The following RREB1 variants were observed in gnomAD, a reference collection of about 807,000 sequenced individuals.
The protein encoded by RREB1 is ras responsive element binding protein 1.
Under a neutral mutation model 117.8 loss-of-function variants are expected in RREB1, and 27 were observed. The ratio of observed to expected loss-of-function variants is 0.23; its 90% confidence interval spans 0.17 to 0.32. RREB1 has a LOEUF of 0.32. RREB1 is among the 10% of genes least tolerant of loss of function. The pLI is 1.00. For synonymous variants in RREB1, 1,298 were observed against 1,026.7 expected, an observed-to-expected ratio of 1.26 and a Z score of -5.05; for missense variants, 2,577 against 2,378.2, an observed-to-expected ratio of 1.08 and a Z score of -1.74.
intron 12 of RREB1, among the ~76,000 whole-genome samples, chr6:7,247,855 C>T (rs1350386958): frequency 6.6e-6 from 1 of 152,206 alleles, no homozygotes; most frequent in East Asian, 1.9e-4. Flanking sequence ...GAGATATATC[C>T]TTCTTCTTTC....
chr6:7,192,270 G>A (rs1248775212), intron 6 of RREB1, among the ~76,000 whole-genome samples: 1 of 151,738 alleles, frequency 6.6e-6, no homozygotes, highest in African/African-American at 2.4e-5. Flanking sequence ...TCGGCTCACG[G>A]CAACCTGCGC....
At chr6:7,163,038 A>T (rs770841626) in intron 1 of RREB1, among the ~76,000 whole-genome samples, 8 of 151,962 alleles carry the variant, frequency 5.3e-5, no homozygotes, top group Non-Finnish European at 1.0e-4. Context: ...ACTCTCATCC[A>T]TTAAAAGTGA....
chr6:7,225,858 G>C (rs754430609), intron 8 of RREB1, among the ~76,000 whole-genome samples: 22 of 152,162 alleles, frequency 1.4e-4, no homozygotes, highest in Non-Finnish European at 2.9e-4. Flanking sequence ...TGTCATATGT[G>C]CTGAGCTGTC....
chr6:7,170,679 A>G (rs888477241), intron 1 of RREB1, among the ~76,000 whole-genome samples: 1 of 152,234 alleles, frequency 6.6e-6, no homozygotes, highest in Non-Finnish European at 1.5e-5. Context: ...GCATAGATCC[A>G]TTCCTCCCTG....
At position 7,231,090 on chromosome 6, in the gene RREB1, G is replaced by T. The variant is rs116413515; in HGVS notation, c.2991G>T (p.Pro997=). The T allele has an allele frequency of 1.2e-6, 2 of 1,613,102 alleles. No homozygotes were observed. The highest frequency in any genetic ancestry group is 2.7e-5 in the African/African-American group (2 of 74,916). The change falls in exon 10 of 13, where the codon CCG becomes CCT. Residue 997 remains proline, a synonymous_variant. Transcript: ENST00000379938. ...GILESPMAPA[P]AATPEPPAQP... Reference sequence around the variant, plus strand: ...TGGAAAGCCCCATGGCCCCTGCTCCGGCGGCCACCCCGGAACCCCCAGCAC... The same window carrying T: ...TGGAAAGCCCCATGGCCCCTGCTCCTGCGGCCACCCCGGAACCCCCAGCAC...
At position 7,229,127 on chromosome 6, in the gene RREB1, A is replaced by G. The variant is rs756297366; in HGVS notation, c.1028A>G (p.Gln343Arg). 3.7e-5 allele frequency: 59 copies of G among 1,608,766 alleles called. No homozygotes were observed. The highest frequency in any genetic ancestry group is 4.8e-5 in the Non-Finnish European group (56 of 1,176,016). Residue 343 changes from glutamine (Q) to arginine (R), a missense_variant, in exon 10 of 13, where the codon CAG (glutamine) becomes CGG (arginine). Transcript: ENST00000379938. The surrounding 1 kb of genome is among the most constrained non-coding windows in gnomAD (Gnocchi z 4.5). ...LHKQTHVAAD[Q>R]GQEKPQATPL... is the part of the protein sequence containing the mutation. The stretch of plus-strand genomic sequence containing the variant: ...AAGCAGACCCATGTGGCGGCAGACC[A>G]GGGTCAAGAAAAGCCGCAGGCCACG...
chr6:7,174,908 CTATT>C (rs554718831), intron 1 of RREB1, among the ~76,000 whole-genome samples: 20 of 151,998 alleles, frequency 1.3e-4, no homozygotes, highest in South Asian at 8.3e-4. Flanking sequence ...CGCGCCTGGC[CTATT>C]TATTTATTTA....
At chr6:7,153,577 TAGG>T (rs1554118547) in intron 1 of RREB1, among the ~76,000 whole-genome samples, 2 of 152,026 alleles carry the variant, frequency 1.3e-5, no homozygotes, top group Non-Finnish European at 2.9e-5. Flanking sequence ...AGACCGAAAA[TAGG>T]AGGTTAAAAA....
chr6:7,132,948 A>G (rs1411496742), intron 1 of RREB1, among the ~76,000 whole-genome samples: 2 of 152,236 alleles, frequency 1.3e-5, no homozygotes, highest in African/African-American at 2.4e-5. Flanking sequence ...AAACATGTTT[A>G]ATTAATGCAG....
At chr6:7,231,946 T>C in intron 10 of RREB1, 39 bp downstream of exon 10, 1 of 1,537,682 alleles carries the variant, frequency 6.5e-7, no homozygotes, top group Admixed American at 1.9e-5. Context: ...TGAGTCCTAC[T>C]TCCTGGTAGG....
intron 1 of RREB1, among the ~76,000 whole-genome samples, chr6:7,131,252 G>A (rs1762146985): frequency 6.6e-6 from 1 of 152,106 alleles, no homozygotes; most frequent in African/African-American, 2.4e-5. Context: ...AAGCAAATAT[G>A]TACCATCGTA....
chr6:7,231,903 C>A lies in RREB1; in HGVS notation c.3804C>A (p.His1268Gln). The A allele has an allele frequency of 6.3e-7, 1 of 1,595,132 alleles. No individual in the cohort carries two copies. The highest frequency in any genetic ancestry group is 8.6e-7 in the Non-Finnish European group (1 of 1,168,156). Residue 1268 changes from histidine (H) to glutamine (Q), a missense_variant, in exon 10 of 13, where the codon CAC (histidine) becomes CAA (glutamine). Physicochemically the swap from His to Gln is conservative, Grantham distance 24 (BLOSUM62 0). Coordinates refer to ENST00000379938, the MANE Select transcript of RREB1 (RefSeq NM_001003699.4). Reference sequence around the variant, plus strand: ...CCCTACAGAGGCACATGCTCACACACACTGGTAAGAGGGCCACCGGGCTCC... The same window carrying A: ...CCCTACAGAGGCACATGCTCACACAAACTGGTAAGAGGGCCACCGGGCTCC... ...ASSLQRHMLT[H>Q]TGQKPFPCQK...
intron 1 of RREB1, among the ~76,000 whole-genome samples, chr6:7,141,680 T>C (rs1022309352): frequency 1.2e-4 from 18 of 152,254 alleles, no homozygotes; most frequent in Non-Finnish European, 2.5e-4. Flanking sequence ...CCAAAAACTT[T>C]TGTTTAAAAG....
intron 1 of RREB1, among the ~76,000 whole-genome samples, chr6:7,137,687 G>T (rs959015032): frequency 2.6e-5 from 4 of 151,614 alleles, no homozygotes; most frequent in African/African-American, 9.7e-5. Context: ...TTAATTTAAG[G>T]CAGGGAAGCC....
At chr6:7,146,832 A>G (rs1762887027) in intron 1 of RREB1, among the ~76,000 whole-genome samples, 1 of 151,224 alleles carries the variant, frequency 6.6e-6, no homozygotes, top group African/African-American at 2.4e-5. Context: ...TTTTCCTTCC[A>G]TCTTCACACT....
intron 1 of RREB1, among the ~76,000 whole-genome samples, chr6:7,110,348 G>A (rs1479208902): frequency 6.6e-6 from 1 of 152,192 alleles, no homozygotes; most frequent in Admixed American, 6.5e-5. Context: ...CAAAGTGTTG[G>A]CTAAAACCTC....
chr6:7,199,688 G>T (rs1425128344), intron 6 of RREB1, among the ~76,000 whole-genome samples: 1 of 151,648 alleles, frequency 6.6e-6, no homozygotes, highest in Non-Finnish European at 1.5e-5. Context: ...TTTTGAGACG[G>T]GGTCTCACTC....
At position 7,239,846 on chromosome 6, in the gene RREB1, A is replaced by G. The variant is rs577462722; in HGVS notation, c.3809-592A>G. Among the ~76,000 whole-genome samples the G allele has an allele frequency of 2.6e-5, 4 of 152,370 alleles. No homozygotes were observed. The East Asian group carries it at 7.7e-4, about 29-fold the overall frequency. On this transcript the variant is annotated intron_variant, in intron 10 of 12. Transcript: ENST00000379938. ...GAGGTCACTGCAGGATGTCTCGGCAAGTCAGACAGGAGTTGTCCTGGGAAG... is the reference window on the plus strand; with the variant it reads ...GAGGTCACTGCAGGATGTCTCGGCAGGTCAGACAGGAGTTGTCCTGGGAAG...
intron 12 of RREB1, among the ~76,000 whole-genome samples, chr6:7,247,952 G>A (rs1233196879): frequency 1.3e-5 from 2 of 152,210 alleles, no homozygotes; most frequent in South Asian, 2.1e-4. Flanking sequence ...CCGACCCAGC[G>A]CAGTCGGCTC....
Sources: gnomAD v4.1 joint callset for allele counts (sites outside exome capture counted in the v4.1 genomes callset) on GRCh38, gnomAD v4.1.1 for gene constraint, Gnocchi (gnomAD v3.1) non-coding constraint, MANE v1.5 for transcripts, NCBI Gene and HGNC (gene_info 2026-07-23, HGNC 2026-07-21) for gene names.